TONSL: variants seen among roughly 807,000 people sequenced by gnomAD.
TONSL encodes the protein tonsoku like, DNA repair protein.
TONSL carries 112 observed loss-of-function variants against 147.1 expected under a neutral mutation model. The ratio of observed to expected loss-of-function variants is 0.76; its 90% CI spans 0.65 to 0.89. The LOEUF is 0.89. Among genes scored for constraint, TONSL ranks in the 40% least tolerant of loss-of-function variants. The pLI, the probability that TONSL is intolerant of heterozygous loss-of-function variation, is 0.00. For synonymous variants in TONSL, 868 were observed against 801.5 expected (o/e 1.08, Z -1.40); for missense variants, 1,883 against 1,864.6 (o/e 1.01, Z -0.18).
rs1665447002 is a variant in TONSL at position 144,443,147 on chromosome 8, C to T, written c.439G>A (p.Glu147Lys). The change falls in exon 4 of 26, where the codon GAG becomes AAG. Residue 147 changes from glutamate (E) to lysine (K), a missense_variant. Physicochemically the swap from Glu to Lys is moderately conservative, Grantham distance 56. Transcript: ENST00000409379. The part of the protein sequence containing the change: ...FEKSLAIVDE[E>K]LEGTLAQGEL... ...GGAGGGGTCTGCCCACCCTCCAGCT[C>T]CTCATCCACAATAGCCAAGCTCTTC... The T allele has an allele frequency of 6.5e-7, 1 of 1,550,354 alleles. No homozygotes were observed. Among genetic ancestry groups the T allele is most frequent in the African/African-American group, 1.4e-5 (1 of 73,056 alleles).
intron 14 of TONSL, 23 bp from the exon 15 acceptor site, chr8:144,436,943 C>G (rs1217823952): frequency 6.2e-7 from 1 of 1,610,672 alleles, no homozygotes; most frequent in Non-Finnish European, 8.5e-7. Flanking sequence ...AGACGTAAGC[C>G]CAGCTCCCGA....
At chr8:144,433,411 T>C in intron 22 of TONSL, 177 bp downstream of exon 22, 3 of 659,430 alleles carry the variant, frequency 4.5e-6, no homozygotes, top group Middle Eastern at 8.3e-4. Context: ...GGTCTCACTA[T>C]GTGGGCCAGG....
At position 144,441,118 on chromosome 8, in the gene TONSL, G is replaced by A; in HGVS notation, c.866-7C>T. ...AGCCGGACCACTGCCAGCACTGCCG[G>A]GAAGAGGTTCATGCAGGGGGGCAGC... On this transcript the variant is annotated splice_polypyrimidine_tract_variant and splice_region_variant and intron_variant, in intron 7 of 25. Coordinates refer to ENST00000409379, the MANE Select transcript of TONSL (RefSeq NM_013432.5). The A allele has an allele frequency of 6.2e-7, 1 of 1,612,490 alleles. No homozygotes were observed. The highest frequency in any genetic ancestry group is 8.5e-7 in the Non-Finnish European group (1 of 1,179,814).
chr8:144,435,009 C>T lies in TONSL; in HGVS notation c.3006+8G>A, dbSNP rs1309934542. The T allele has an allele frequency of 9.3e-6, 15 of 1,611,992 alleles. No homozygotes were observed. Among genetic ancestry groups the T allele is most frequent in the Admixed American group, 3.3e-5 (2 of 59,874 alleles). On this transcript the variant is annotated splice_region_variant and intron_variant, in intron 19 of 25. Transcript: ENST00000409379. Reference sequence around the variant, plus strand: ...AGGCCCTGGCTCCCCCTCCGCTCTGCGGCTCACCTCGTCATTGCTCTGCAG... The same window carrying T: ...AGGCCCTGGCTCCCCCTCCGCTCTGTGGCTCACCTCGTCATTGCTCTGCAG...
chr8:144,433,454 C>T, intron 22 of TONSL, 134 bp downstream of exon 22: 1 of 851,072 alleles, frequency 1.2e-6, no homozygotes, highest in Non-Finnish European at 1.8e-6. Flanking sequence ...AGCGATACTC[C>T]CGCCTCAGCC....
chr8:144,431,792 C>T (rs1823205343), intron 23 of TONSL, among the ~76,000 whole-genome samples: 1 of 150,578 alleles, frequency 6.6e-6, no homozygotes, highest in Admixed American at 6.6e-5. Context: ...GGATTACAGG[C>T]GTAAGCTACC....
rs1823371780 is a variant in TONSL, at chr8:144,434,906, T to C, written c.3007-17A>G. ...AGCCAACACCTGGAAGGCACCGTCA[T>C]GAGCCACCTGGGGGCTCCCCCGGCT... On this transcript the variant is annotated splice_polypyrimidine_tract_variant and intron_variant, in intron 19 of 25. Coordinates refer to ENST00000409379, the MANE Select transcript of TONSL (RefSeq NM_013432.5). 1 of 1,613,064 alleles carries C rather than the reference T, an allele frequency of 6.2e-7. No individual in the cohort carries two copies. Among genetic ancestry groups the C allele is most frequent in the Non-Finnish European group, 8.5e-7 (1 of 1,179,832 alleles).
chr8:144,441,120 A>G lies in TONSL; in HGVS notation c.866-9T>C. The G allele has an allele frequency of 6.2e-7, 1 of 1,612,450 alleles. No individual in the cohort carries two copies. The highest frequency in any genetic ancestry group is 8.5e-7 in the Non-Finnish European group (1 of 1,179,820). ...CCGGACCACTGCCAGCACTGCCGGG[A>G]AGAGGTTCATGCAGGGGGGCAGCAC... On this transcript the variant is annotated splice_polypyrimidine_tract_variant and intron_variant, in intron 7 of 25. Coordinates refer to ENST00000409379, the MANE Select transcript of TONSL (RefSeq NM_013432.5).
rs777654833 is a variant in TONSL at position 144,437,080 on chromosome 8, C to T, written c.1673G>A (p.Arg558Gln). The stretch of plus-strand genomic sequence containing the variant: ...CAGAGGTGTCCAGCCACAGTAGTCC[C>T]GAGGGTTAAGGGGGTGGCCCTGTGA... ...LVRQGHPLNPRDYCGWTPLHE... is the reference protein window; with the variant it reads ...LVRQGHPLNPQDYCGWTPLHE... Residue 558 changes from arginine (R) to glutamine (Q), a missense_variant, in exon 14 of 26, where the codon CGG (arginine) becomes CAG (glutamine). Physicochemically the swap from Arg to Gln is conservative, Grantham distance 43. Transcript: ENST00000409379. 1.5e-5 allele frequency: 24 copies of T among 1,612,956 alleles called. No individual in the cohort carries two copies. The highest frequency in any genetic ancestry group is 4.0e-5 in the African/African-American group (3 of 74,926).
At chr8:144,441,964 C>T (rs532261773) in intron 7 of TONSL, 73 bp downstream of exon 7, 39 of 1,349,594 alleles carry the variant, frequency 2.9e-5, no homozygotes, top group Admixed American at 1.4e-4. Context: ...ACACACCTGG[C>T]GGGACTCCAC....
At chr8:144,434,970 G>A (rs1413044396) in intron 19 of TONSL, 47 bp downstream of exon 19, 2 of 1,611,088 alleles carry the variant, frequency 1.2e-6, no homozygotes, top group Admixed American at 1.7e-5. Flanking sequence ...CCACCCGGGG[G>A]CTCCCGGTGC....
rs1376880855 is a variant in TONSL, at chr8:144,430,425, G to A, written c.3922C>T (p.Leu1308Phe). Residue 1308 changes from leucine to phenylalanine, a missense_variant, in exon 25 of 26, where the codon CTT becomes TTT. By Grantham distance (22) the Leu-to-Phe change is conservative. Coordinates refer to ENST00000409379, the MANE Select transcript of TONSL (RefSeq NM_013432.5). ...TCACCTGACAGGCCAAGGAAGCTAA[G>A]GCCTTGGGGCCGCTTTTGGAGGGTG... The part of the protein sequence containing the change: ...LSTLQKRPQG[L>F]SFLGLSGCAV... 6.2e-7 allele frequency: 1 copy of A among 1,610,840 alleles called. No individual in the cohort carries two copies. Among genetic ancestry groups the A allele is most frequent in the African/African-American group, 1.3e-5 (1 of 74,850 alleles).
intron 20 of TONSL, 64 bp downstream of exon 20, chr8:144,434,747 G>C: frequency 6.4e-7 from 1 of 1,553,468 alleles, no homozygotes; most frequent in Non-Finnish European, 8.7e-7. Context: ...CGGGCTGGTG[G>C]AGCCTGTGTG....
At chr8:144,438,764 G>C (rs761753653) in intron 11 of TONSL, 29 bp from the exon 12 acceptor site, 7 of 1,606,522 alleles carry the variant, frequency 4.4e-6, no homozygotes, top group Non-Finnish European at 6.0e-6. Context: ...CACCCCAGGG[G>C]AGTCCGTGGG....
At position 144,438,482 on chromosome 8, in the gene TONSL, G is replaced by T; in HGVS notation, c.1642C>A (p.Leu548Ile). 1 of 1,612,734 alleles carries T rather than the reference G, an allele frequency of 6.2e-7. No homozygotes were observed. Among genetic ancestry groups the T allele is most frequent in the East Asian group, 2.2e-5 (1 of 44,880 alleles). The change falls in exon 13 of 26, where the codon CTT becomes ATT. Residue 548 changes from leucine to isoleucine, a missense_variant. By Grantham distance (5) the Leu-to-Ile change is conservative. Transcript: ENST00000409379. Reference protein sequence around the residue: ...IEGQLRRVQDLVRQGHPLNPR... With the variant: ...IEGQLRRVQDIVRQGHPLNPR... ...AGAGCGGGGCCCACCTGCCTCACAAGGTCCTGGACGCGGCGCAGCTGGCCC... is the reference window on the plus strand; with the variant it reads ...AGAGCGGGGCCCACCTGCCTCACAATGTCCTGGACGCGGCGCAGCTGGCCC...
Position 144,432,307 on chromosome 8 carries a change from G to A in TONSL, c.3713C>T (p.Pro1238Leu), listed in dbSNP as rs1554878878. 1 of 1,613,802 alleles carries A rather than the reference G, an allele frequency of 6.2e-7. No individual in the cohort carries two copies. Among genetic ancestry groups the A allele is most frequent in the African/African-American group, 1.3e-5 (1 of 75,046 alleles). ...TACCTTGGCCAGGTATCGGAATACA[G>A]GCTCCATGAGGTCCGAATCACCCTT... ...AGKGDSDLME[P>L]VFRYLAKEGC... Residue 1238 changes from proline to leucine, a missense_variant, in exon 23 of 26, where the codon CCT becomes CTT. Pro to Leu is a moderately conservative substitution (Grantham distance 98). Transcript: ENST00000409379.
intron 7 of TONSL, 164 bp downstream of exon 7, chr8:144,441,873 A>AG: frequency 1.7e-6 from 1 of 595,386 alleles, no homozygotes; most frequent in Non-Finnish European, 2.9e-6. Flanking sequence ...GTCAGGAAGT[A>AG]GGGGTACCTG....
intron 7 of TONSL, chr8:144,441,356 G>T: frequency 2.0e-6 from 1 of 493,602 alleles, no homozygotes; most frequent in Non-Finnish European, 3.6e-6. Context: ...ACTTTGGGAG[G>T]CCGAGGCGGG....
intron 20 of TONSL, 107 bp downstream of exon 20, chr8:144,434,704 G>A (rs569444568): frequency 3.1e-6 from 4 of 1,275,276 alleles, no homozygotes; most frequent in Non-Finnish European, 4.3e-6. Context: ...TGGGGGAGGT[G>A]CACCCCAAAA....
Sources: gnomAD v4.1 joint callset for allele counts (sites outside exome capture counted in the v4.1 genomes callset) on GRCh38, gnomAD v4.1.1 for gene constraint, MANE v1.5 for transcripts, NCBI Gene and HGNC (gene_info 2026-07-23, HGNC 2026-07-21) for gene names.